Variants in MYO10 observed in about 807,000 individuals in gnomAD.
The protein encoded by MYO10 is myosin X.
MYO10 carries 133 observed loss-of-function variants against 257.3 expected under a neutral mutation model. The ratio of observed to expected loss-of-function variants is 0.52; its 90% CI spans 0.45 to 0.60. The LOEUF (loss-of-function observed/expected upper bound fraction) is 0.60, where lower values mean the gene tolerates loss of function less well. MYO10 is among the 20% of genes least tolerant of loss of function. The probability of loss-of-function intolerance (pLI) is 0.00; values close to 1 mark genes in which losing one functional copy is unlikely to be tolerated. For synonymous variants in MYO10, 1,104 were observed against 1,028.6 expected (o/e 1.07, Z -1.40); for missense variants, 2,399 against 2,635.7 (o/e 0.91, Z 1.97).
intron 4 of MYO10, among the ~76,000 whole-genome samples, chr5:16,788,870 A>T (rs1253892409): frequency 6.6e-6 from 1 of 152,142 alleles, no homozygotes; most frequent in African/African-American, 2.4e-5. Context: ...TTTTTCCAAG[A>T]TGGAACATAC....
chr5:16,763,413 T>A, intron 14 of MYO10, 68 bp downstream of exon 14: 2 of 1,226,290 alleles, frequency 1.6e-6, no homozygotes, highest in Non-Finnish European at 2.4e-6. Context: ...GTTATTTTGT[T>A]CCCATAAATA....
At chr5:16,846,055 T>C (rs1743627477) in intron 2 of MYO10, among the ~76,000 whole-genome samples, 1 of 152,188 alleles carries the variant, frequency 6.6e-6, no homozygotes, top group Non-Finnish European at 1.5e-5. Context: ...TGGTCTCCTA[T>C]AATTCCCAGA....
chr5:16,779,959 T>C (rs945164463), intron 8 of MYO10, among the ~76,000 whole-genome samples: 43 of 152,330 alleles, frequency 2.8e-4, no homozygotes, highest in African/African-American at 1.0e-3. Flanking sequence ...TGGAGTGCAG[T>C]GGCACAATCT....
Position 16,701,311 on chromosome 5 carries a change from G to C in MYO10, c.3084C>G (p.Asp1028Glu). The C allele has an allele frequency of 6.2e-7, 1 of 1,613,856 alleles. No homozygotes were observed. Among genetic ancestry groups the C allele is most frequent in the East Asian group, 2.2e-5 (1 of 44,864 alleles). The change falls in exon 25 of 41, where the codon GAC becomes GAG. Residue 1028 changes from aspartate to glutamate, a missense_variant. Coordinates refer to ENST00000513610, the MANE Select transcript of MYO10 (RefSeq NM_012334.3). The surrounding 1 kb of genome is among the most constrained non-coding windows in gnomAD (Gnocchi z 8.1). ...TCATGTATGGGTCCTCCTCTGAAGAGTCATCGCTGGTCCGGATGCCACTTG... is the reference window on the plus strand; with the variant it reads ...TCATGTATGGGTCCTCCTCTGAAGACTCATCGCTGGTCCGGATGCCACTTG... ...QRTSGIRTSD[D>E]SSEEDPYMND...
chr5:16,698,327 C>A (rs11959843), intron 26 of MYO10, among the ~76,000 whole-genome samples: 4,380 of 152,170 alleles, frequency 0.029, 232 homozygotes, highest in African/African-American at 0.098. Flanking sequence ...CACCACTGCC[C>A]TCTAGCTTGG....
chr5:16,820,215 A>G (rs867848781), intron 2 of MYO10, among the ~76,000 whole-genome samples: 5 of 152,396 alleles, frequency 3.3e-5, no homozygotes, highest in Middle Eastern at 6.8e-3. Context: ...AACTTAGGCC[A>G]GAGTCAAAGC....
chr5:16,921,738 C>T (rs926077737), intron 1 of MYO10, among the ~76,000 whole-genome samples: 9 of 151,956 alleles, frequency 5.9e-5, no homozygotes, highest in African/African-American at 2.2e-4. Flanking sequence ...CAGTTGTTCT[C>T]AACTGGGAGC....
Position 16,797,559 on chromosome 5 carries a change from G to T in MYO10, c.280-2726C>A, listed in dbSNP as rs529707819. Among the ~76,000 whole-genome samples the T allele has an allele frequency of 3.0e-4, 46 of 152,302 alleles. No homozygotes were observed. The South Asian group carries it at 9.3e-3, about 31-fold the overall frequency. On this transcript the variant is annotated intron_variant, in intron 3 of 40. Transcript: ENST00000513610. ...AGAAGCACCATTCACAACAGCCAAA[G>T]GTGGAAACAATGCCAAGGGCCCATC...
chr5:16,688,321 T>C (rs1306394075), intron 28 of MYO10, among the ~76,000 whole-genome samples: 2 of 152,220 alleles, frequency 1.3e-5, no homozygotes, highest in Admixed American at 6.5e-5. Context: ...ATCATGGTAC[T>C]GTATCAACTC....
intron 1 of MYO10, among the ~76,000 whole-genome samples, chr5:16,912,131 A>G (rs532680384): frequency 6.6e-6 from 1 of 152,286 alleles, no homozygotes; most frequent in South Asian, 2.1e-4. Context: ...GTGGCTCAAG[A>G]CAACTCTTCT....
intron 4 of MYO10, among the ~76,000 whole-genome samples, chr5:16,792,159 A>G (rs1305794940): frequency 6.7e-6 from 1 of 148,508 alleles, no homozygotes; most frequent in Non-Finnish European, 1.5e-5. Flanking sequence ...AGAGAGAGAG[A>G]GAGAGGGAGA....
At chr5:16,692,633 G>A (rs374179917) in intron 27 of MYO10, among the ~76,000 whole-genome samples, 6 of 152,146 alleles carry the variant, frequency 3.9e-5, no homozygotes, top group East Asian at 3.9e-4. Flanking sequence ...CTGGGGGAGC[G>A]GACTGGATAG....
chr5:16,771,592 ATTT>A (rs869133098), intron 9 of MYO10, among the ~76,000 whole-genome samples: 1 of 132,278 alleles, frequency 7.6e-6, no homozygotes, highest in Non-Finnish European at 1.6e-5. Context: ...TATTATTATT[ATTT>A]TGATACAGGG....
intron 2 of MYO10, 89 bp downstream of exon 2, chr5:16,877,520 G>A (rs548216279): frequency 9.5e-6 from 9 of 952,360 alleles, no homozygotes; most frequent in Middle Eastern, 2.5e-4. Flanking sequence ...GCGTGTGTAT[G>A]TGTAGGGGGG....
chr5:16,715,259 AT>A (rs1041289034), intron 19 of MYO10, among the ~76,000 whole-genome samples: 1 of 152,038 alleles, frequency 6.6e-6, no homozygotes, highest in South Asian at 2.1e-4. Flanking sequence ...TTAAAAAAAA[AT>A]AAAGATGATC....
rs373861542 is a variant in MYO10, at chr5:16,711,041, C to T, written c.2055-19G>A. 8.5e-5 allele frequency: 137 copies of T among 1,613,734 alleles called. No individual in the cohort carries two copies. The highest frequency in any genetic ancestry group is 2.5e-4 in the Admixed American group (15 of 59,996). On this transcript the variant is annotated intron_variant, in intron 20 of 40. Coordinates refer to ENST00000513610, the MANE Select transcript of MYO10 (RefSeq NM_012334.3). ...TTTATACCTGCAACGTGAAGACACA[C>T]AGGGTCACCTTCTGCGATGGTTCCC...
At chr5:16,870,165 G>A (rs73062941) in intron 2 of MYO10, among the ~76,000 whole-genome samples, 1,726 of 151,436 alleles carry the variant, frequency 0.011, 65 homozygotes, top group Middle Eastern at 0.037. Context: ...ACTCCTGGCC[G>A]CTGGAGGGGA....
intron 2 of MYO10, among the ~76,000 whole-genome samples, chr5:16,864,035 T>C (rs1202962814): frequency 1.3e-5 from 2 of 152,134 alleles, no homozygotes; most frequent in Non-Finnish European, 1.5e-5. Context: ...GAGGCGGAGG[T>C]TGCAGCGAGC....
rs1433905904 is a variant in MYO10 at position 16,668,375 on chromosome 5, C to T, written c.5977G>A (p.Val1993Ile). ...GAGAGGATGTGTTCATACTGGAAGA[C>T]TTCCAGTGGTCTTCCCTCTCCACGC... is the stretch of plus-strand genomic sequence containing the variant. ...YKRGEGRPLE[V>I]FQYEHILSFG... The change falls in exon 40 of 41, where the codon GTC (valine) becomes ATC (isoleucine). Residue 1993 changes from valine (V) to isoleucine (I), a missense_variant. Val to Ile is a conservative substitution (Grantham distance 29). Around this residue, in one of 3 missense-constraint regions of MYO10, gnomAD observed 1,820 missense variants for 1,939.4 expected, o/e 0.94. Transcript: ENST00000513610. 1.2e-6 allele frequency: 2 copies of T among 1,613,908 alleles called. No individual in the cohort carries two copies. The highest frequency in any genetic ancestry group is 2.7e-5 in the African/African-American group (2 of 74,932).
Sources: gnomAD v4.1 joint callset for allele counts (sites outside exome capture counted in the v4.1 genomes callset) on GRCh38, gnomAD v4.1.1 for gene constraint, gnomAD v4.1.1 regional missense constraint, Gnocchi (gnomAD v3.1) non-coding constraint, MANE v1.5 for transcripts, NCBI Gene and HGNC (gene_info 2026-07-23, HGNC 2026-07-21) for gene names.